PNPT1: variants seen among roughly 807,000 people sequenced by gnomAD.
The protein encoded by PNPT1 is polyribonucleotide nucleotidyltransferase 1, mitochondrial.
Under a neutral mutation model 119.5 loss-of-function variants are expected in PNPT1, and 53 were observed. The observed-to-expected ratio is 0.44, with a 90% CI of 0.36 to 0.56. The LOEUF (loss-of-function observed/expected upper bound fraction) is 0.56, where lower values mean the gene tolerates loss of function less well. Ranked by LOEUF, PNPT1 falls within the 20% of genes least tolerant of loss-of-function variation. The probability of loss-of-function intolerance (pLI) is 0.00; values close to 1 mark genes in which losing one functional copy is unlikely to be tolerated. For missense variants in PNPT1, 948 were observed against 938.5 expected (o/e 1.01, Z -0.13); for synonymous variants, 357 against 322.1 (o/e 1.11, Z -1.16).
Position 55,667,321 on chromosome 2 carries a change from G to A in PNPT1, c.1074-228C>T, listed in dbSNP as rs114135308. 0.033 allele frequency among the ~76,000 whole-genome samples: 5,058 copies of A among 152,262 alleles called. 196 individuals are homozygous for A. Among genetic ancestry groups the A allele is most frequent in the Admixed American group, 0.11 (1,665 of 15,280 alleles). ...AAAAAACTCTACAGGTAGGCCGGGCGCGGTGGCTCATGCCTATAATTCCAG... is the reference window on the plus strand; with the variant it reads ...AAAAAACTCTACAGGTAGGCCGGGCACGGTGGCTCATGCCTATAATTCCAG... On this transcript the variant is annotated intron_variant, in intron 12 of 27. Coordinates refer to ENST00000447944, the MANE Select transcript of PNPT1 (RefSeq NM_033109.5).
At chr2:55,671,969 G>A (rs1176866417) in intron 10 of PNPT1, 26 bp downstream of exon 10, 1 of 1,546,112 alleles carries the variant, frequency 6.5e-7, no homozygotes, top group East Asian at 2.3e-5. Flanking sequence ...GGGCAATTAT[G>A]GAAGACAAAA....
chr2:55,666,935 G>C (rs567549103), intron 13 of PNPT1, 56 bp downstream of exon 13: 9 of 1,145,530 alleles, frequency 7.9e-6, no homozygotes, highest in African/African-American at 6.4e-5. Context: ...ACTTCTATTA[G>C]ATCTAATTAA....
chr2:55,650,353 T>C (rs1225520146), intron 18 of PNPT1, among the ~76,000 whole-genome samples: 3 of 152,316 alleles, frequency 2.0e-5, no homozygotes, highest in South Asian at 4.1e-4. Flanking sequence ...CTGTGTTGGC[T>C]GGGCTGGTCT....
At chr2:55,642,873 T>G (rs1000374762) in intron 25 of PNPT1, among the ~76,000 whole-genome samples, 8 of 152,052 alleles carry the variant, frequency 5.3e-5, no homozygotes, top group African/African-American at 1.9e-4. Context: ...TCCTGGCACT[T>G]TGGGAGGCTG....
chr2:55,691,783 T>G (rs1315969134), intron 1 of PNPT1, among the ~76,000 whole-genome samples: 2 of 149,292 alleles, frequency 1.3e-5, no homozygotes. Context: ...AGAGATAACC[T>G]AGTCTAGGGG....
intron 11 of PNPT1, among the ~76,000 whole-genome samples, chr2:55,670,889 A>G (rs1183808919): frequency 6.6e-6 from 1 of 152,174 alleles, no homozygotes; most frequent in Non-Finnish European, 1.5e-5. Flanking sequence ...TAACCTTGTG[A>G]GCTATCATTA....
At chr2:55,656,434 T>G (rs1572809431) in intron 15 of PNPT1, 63 bp from the exon 16 acceptor site, 1 of 1,423,998 alleles carries the variant, frequency 7.0e-7, no homozygotes, top group East Asian at 2.3e-5. Flanking sequence ...CCAAGTTATA[T>G]TACCAAAATA....
chr2:55,638,843 C>G lies in PNPT1; in HGVS notation c.2149-1244G>C, dbSNP rs186017683. ...GGGCTGGAGTACAGTAGCATGATAT[C>G]CGCTCACTGCAACCTCTTCCTCCCA... On this transcript the variant is annotated intron_variant, in intron 26 of 27. Transcript: ENST00000447944. Among the ~76,000 whole-genome samples the G allele has an allele frequency of 4.6e-5, 7 of 151,240 alleles. No individual in the cohort carries two copies. In the East Asian group the frequency reaches 1.4e-3, roughly 30 times the overall value.
rs765967195 is a variant in PNPT1 at position 55,656,292 on chromosome 2, G to A, written c.1351+13C>T. On this transcript the variant is annotated intron_variant, in intron 16 of 27. Transcript: ENST00000447944. ...GTAAGAATACCGTATTAAGTTTACAGACCTGTACTTACCATGCCCAAGTTC... is the reference window on the plus strand; with the variant it reads ...GTAAGAATACCGTATTAAGTTTACAAACCTGTACTTACCATGCCCAAGTTC... 6.2e-7 allele frequency: 1 copy of A among 1,611,450 alleles called. No homozygotes were observed. The highest frequency in any genetic ancestry group is 1.3e-5 in the African/African-American group (1 of 74,808).
chr2:55,687,506 A>C (rs2104183417), intron 2 of PNPT1, 139 bp downstream of exon 2: 1 of 635,718 alleles, frequency 1.6e-6, no homozygotes, highest in African/African-American at 1.9e-5. Flanking sequence ...TGATTCTTGC[A>C]GTAGAAATTA....
intron 18 of PNPT1, among the ~76,000 whole-genome samples, chr2:55,650,480 T>G (rs1696141054): frequency 6.6e-6 from 1 of 152,154 alleles, no homozygotes; most frequent in South Asian, 2.1e-4. Flanking sequence ...AGTGGCGTGA[T>G]CTCAGCTCGC....
chr2:55,639,056 G>A (rs1695761732), intron 26 of PNPT1, among the ~76,000 whole-genome samples: 1 of 152,050 alleles, frequency 6.6e-6, no homozygotes, highest in Non-Finnish European at 1.5e-5. Context: ...GCTTACAGGC[G>A]TGAGCCACTG....
chr2:55,691,135 G>A (rs1459356539), intron 1 of PNPT1, among the ~76,000 whole-genome samples: 3 of 152,104 alleles, frequency 2.0e-5, no homozygotes, highest in African/African-American at 7.2e-5. Flanking sequence ...CAAAACACAG[G>A]GAAGAAAAAC....
intron 13 of PNPT1, 50 bp from the exon 14 acceptor site, chr2:55,662,076 T>A: frequency 7.0e-7 from 1 of 1,422,344 alleles, no homozygotes; most frequent in African/African-American, 1.5e-5. Context: ...ACCACAAAGA[T>A]GAAAACTAAA....
At chr2:55,672,513 G>A (rs1037287941) in intron 9 of PNPT1, among the ~76,000 whole-genome samples, 15 of 152,308 alleles carry the variant, frequency 9.8e-5, no homozygotes, top group Middle Eastern at 3.4e-3. Flanking sequence ...TTTACTGAGT[G>A]TCTGCCTAAC....
At chr2:55,657,422 C>T (rs1457626597) in intron 15 of PNPT1, among the ~76,000 whole-genome samples, 2 of 150,110 alleles carry the variant, frequency 1.3e-5, no homozygotes, top group Admixed American at 1.3e-4. Flanking sequence ...GAGTTCTGCT[C>T]TTGTTGCCCA....
rs561657614 is a variant in PNPT1 at position 55,683,382 on chromosome 2, A to AG, written c.453+402dup. ...GTAATCCTAGCACTTTGGGAGGCCG[A>AG]GGGGGGCGGATCACAAGGTCAGGAG... On this transcript the variant is annotated intron_variant, in intron 5 of 27. Coordinates refer to ENST00000447944, the MANE Select transcript of PNPT1 (RefSeq NM_033109.5). 2.1e-3 allele frequency among the ~76,000 whole-genome samples: 324 copies of AG among 152,208 alleles called. 2 individuals are homozygous for AG. Among genetic ancestry groups the AG allele is most frequent in the African/African-American group, 6.4e-3 (265 of 41,516 alleles).
chr2:55,670,973 A>G (rs1395691974), intron 11 of PNPT1, among the ~76,000 whole-genome samples: 1 of 2,766 alleles, frequency 3.6e-4, no homozygotes, highest in Admixed American at 5.4e-3. Context: ...CTAAAGTTAA[A>G]AAAAAAAAAA....
At chr2:55,693,626 C>T (rs746887609) in intron 1 of PNPT1, 37 bp downstream of exon 1, 8 of 1,611,368 alleles carry the variant, frequency 5.0e-6, no homozygotes, top group Non-Finnish European at 6.8e-6. Context: ...GGACAAGACA[C>T]CTTATGACAA....
Sources: gnomAD v4.1 joint callset for allele counts (sites outside exome capture counted in the v4.1 genomes callset) on GRCh38, gnomAD v4.1.1 for gene constraint, MANE v1.5 for transcripts, NCBI Gene and HGNC (gene_info 2026-07-23, HGNC 2026-07-21) for gene names.